The following SLC9A9 variants were observed in gnomAD, a reference collection of about 807,000 sequenced individuals.
The protein encoded by SLC9A9 is solute carrier family 9 member A9.
Under a neutral mutation model 77.8 loss-of-function variants are expected in SLC9A9, and 62 were observed. That is an observed-to-expected ratio of 0.80 (90% CI 0.65 to 0.98). The LOEUF is 0.98. SLC9A9 is among the 50% of genes least tolerant of loss of function. The probability of loss-of-function intolerance (pLI) is 0.00; values close to 1 mark genes in which losing one functional copy is unlikely to be tolerated. For synonymous variants in SLC9A9, 320 were observed against 283.5 expected (o/e 1.13, Z -1.29); for missense variants, 775 against 774.9 (o/e 1.00, Z 0.00).
At chr3:143,374,290 T>C (rs1381264525) in intron 13 of SLC9A9, among the ~76,000 whole-genome samples, 2 of 151,278 alleles carry the variant, frequency 1.3e-5, no homozygotes, top group African/African-American at 4.9e-5. Flanking sequence ...CCGGGCGTGG[T>C]GGCGGGCGCC....
intron 4 of SLC9A9, among the ~76,000 whole-genome samples, chr3:143,791,715 A>T (rs907889932): frequency 9.9e-5 from 15 of 152,154 alleles, no homozygotes; most frequent in African/African-American, 3.6e-4. Context: ...CCTCTATGAA[A>T]TTATTCTCAA....
intron 14 of SLC9A9, among the ~76,000 whole-genome samples, chr3:143,321,720 C>T (rs1012926126): frequency 1.3e-5 from 2 of 152,190 alleles, no homozygotes; most frequent in African/African-American, 4.8e-5. Flanking sequence ...ACTTCCTTTT[C>T]TAACTAAGGA....
chr3:143,708,307 C>T (rs1046441164), intron 4 of SLC9A9, among the ~76,000 whole-genome samples: 6 of 152,106 alleles, frequency 3.9e-5, no homozygotes, highest in African/African-American at 1.4e-4. Context: ...CTAAAGCACA[C>T]CCAGGGGAGA....
At chr3:143,495,253 A>T in intron 10 of SLC9A9, 82 bp downstream of exon 10, 1 of 1,225,600 alleles carries the variant, frequency 8.2e-7, no homozygotes, top group Non-Finnish European at 1.2e-6. Context: ...AAAGTGCTTT[A>T]ATGATTTAAC....
chr3:143,546,372 G>A (rs2036789260), intron 9 of SLC9A9, among the ~76,000 whole-genome samples: 1 of 152,184 alleles, frequency 6.6e-6, no homozygotes, highest in South Asian at 2.1e-4. Context: ...GCCCATAAAT[G>A]CTAGACAAAG....
intron 14 of SLC9A9, among the ~76,000 whole-genome samples, chr3:143,273,255 T>G: frequency 6.6e-6 from 1 of 152,196 alleles, no homozygotes; most frequent in East Asian, 1.9e-4. Flanking sequence ...CCATTGCACC[T>G]ATGTGGACTG....
Position 143,721,197 on chromosome 3 carries a change from C to A in SLC9A9, c.534-27890G>T, listed in dbSNP as rs78257910. On this transcript the variant is annotated intron_variant, in intron 4 of 15. Transcript: ENST00000316549. ...CAACAGTGAGCCACTTCCCCCACAC[C>A]CCCAAAAAAGTCCACATTACCAGGT... is the stretch of plus-strand genomic sequence containing the variant. Among the ~76,000 whole-genome samples the A allele has an allele frequency of 8.3e-3, 1,261 of 152,154 alleles. 16 individuals carry two copies. The highest frequency in any genetic ancestry group is 0.029 in the African/African-American group (1,212 of 41,508).
chr3:143,837,985 G>A (rs2009611354), intron 1 of SLC9A9, among the ~76,000 whole-genome samples: 1 of 152,168 alleles, frequency 6.6e-6, no homozygotes, highest in African/African-American at 2.4e-5. Context: ...ACAACAGTAG[G>A]TGCTGAATCA....
chr3:143,435,358 A>G (rs940473252), intron 12 of SLC9A9, among the ~76,000 whole-genome samples: 3 of 152,298 alleles, frequency 2.0e-5, no homozygotes, highest in Non-Finnish European at 4.4e-5. Flanking sequence ...CTTGGGTCCA[A>G]TGGCGTTGTG....
chr3:143,842,977 T>C (rs960279354), intron 1 of SLC9A9, among the ~76,000 whole-genome samples: 1 of 152,168 alleles, frequency 6.6e-6, no homozygotes, highest in Admixed American at 6.5e-5. Flanking sequence ...TGTTCCTTTC[T>C]TCCCCATTTT....
Position 143,832,177 on chromosome 3 carries a change from CAGTT to C in SLC9A9, c.216_219del (p.Thr73IlefsTer11), listed in dbSNP as rs2009453140. 2 of 1,612,726 alleles carry C rather than the reference CAGTT, an allele frequency of 1.2e-6. No homozygotes were observed. Among genetic ancestry groups the C allele is most frequent in the Non-Finnish European group, 8.5e-7 (1 of 1,179,492 alleles). Reference sequence around the variant, plus strand: ...TCATAGACAGTTCCACTTTCAATATCAGTTGGTGCTGTAGCATATCGTAAAATTA... The same window carrying C: ...TCATAGACAGTTCCACTTTCAATATCGGTGCTGTAGCATATCGTAAAATTA... On this transcript the variant is annotated frameshift_variant, in exon 2 of 16. Coordinates refer to ENST00000316549, the MANE Select transcript of SLC9A9 (RefSeq NM_173653.4). LOFTEE classifies it high-confidence loss of function.
intron 9 of SLC9A9, among the ~76,000 whole-genome samples, chr3:143,500,412 C>A (rs1314154196): frequency 6.6e-6 from 1 of 152,060 alleles, no homozygotes; most frequent in Non-Finnish European, 1.5e-5. Flanking sequence ...GCAACTTTGG[C>A]TTGTCGATTT....
rs190884889 is a variant in SLC9A9 at position 143,510,683 on chromosome 3, A to G, written c.1090-15235T>C. The stretch of plus-strand genomic sequence containing the variant: ...TATGCCCATTTTAAATTCTTGGTCC[A>G]TATGTTCCAGTAATTTTGCTTCATG... On this transcript the variant is annotated intron_variant, in intron 9 of 15. Transcript: ENST00000316549. 5.3e-4 allele frequency among the ~76,000 whole-genome samples: 80 copies of G among 152,258 alleles called. 1 individual carries two copies. The East Asian group carries it at 0.014, about 27-fold the overall frequency.
intron 6 of SLC9A9, among the ~76,000 whole-genome samples, chr3:143,587,459 G>A (rs2037562006): frequency 6.6e-6 from 1 of 152,234 alleles, no homozygotes; most frequent in South Asian, 2.1e-4. Context: ...GAAATAAAGG[G>A]AGAGCTTTCT....
At chr3:143,586,938 T>C (rs780070360) in intron 6 of SLC9A9, among the ~76,000 whole-genome samples, 1 of 152,226 alleles carries the variant, frequency 6.6e-6, no homozygotes, top group African/African-American at 2.4e-5. Context: ...AGTCAAGAGC[T>C]GTGTTTGAGG....
At chr3:143,730,122 AG>A (rs1934762735) in intron 4 of SLC9A9, among the ~76,000 whole-genome samples, 1 of 152,212 alleles carries the variant, frequency 6.6e-6, no homozygotes, top group Non-Finnish European at 1.5e-5. Flanking sequence ...CAAGTGAGGT[AG>A]AAGTAAATCT....
chr3:143,765,751 AC>A (rs1476812728), intron 4 of SLC9A9, among the ~76,000 whole-genome samples: 2 of 152,206 alleles, frequency 1.3e-5, no homozygotes, highest in Non-Finnish European at 2.9e-5. Flanking sequence ...GATTGCATTA[AC>A]AGCCCCACTT....
chr3:143,612,116 C>G (rs1027535453), intron 6 of SLC9A9, among the ~76,000 whole-genome samples: 7 of 152,142 alleles, frequency 4.6e-5, no homozygotes, highest in African/African-American at 1.7e-4. Flanking sequence ...GCCAAGATAG[C>G]CTCTTAGCTT....
rs556411114 is a variant in SLC9A9 at position 143,537,570 on chromosome 3, C to T, written c.1089+14792G>A. On this transcript the variant is annotated intron_variant, in intron 9 of 15. Coordinates refer to ENST00000316549, the MANE Select transcript of SLC9A9 (RefSeq NM_173653.4). The stretch of plus-strand genomic sequence containing the variant: ...CTCCATCTTTGACTGTCTGTCTTGG[C>T]TACTTATTTCTCTTCAATTAGCAGG... Among the ~76,000 whole-genome samples, 1,082 of 152,334 alleles carry T rather than the reference C, an allele frequency of 7.1e-3. 3 individuals are homozygous for T. Among genetic ancestry groups the T allele is most frequent in the Non-Finnish European group, 0.01 (696 of 68,040 alleles).
Sources: allele counts gnomAD v4.1 joint callset (sites outside exome capture counted in the v4.1 genomes callset), GRCh38; gene constraint gnomAD v4.1.1; transcripts MANE v1.5; gene names NCBI Gene and HGNC (gene_info 2026-07-23, HGNC 2026-07-21).